Variants in ROBO2 observed in about 807,000 individuals in gnomAD.
The protein encoded by ROBO2 is roundabout guidance receptor 2, also known as roundabout homolog 2.
Under a neutral mutation model 160.8 loss-of-function variants are expected in ROBO2, and 53 were observed. The observed-to-expected ratio is 0.33, with a 90% confidence interval of 0.26 to 0.41. The LOEUF is 0.41. Among genes scored for constraint, ROBO2 ranks in the 10% least tolerant of loss-of-function variants. The pLI is 1.00. For synonymous variants in ROBO2, 664 were observed against 611.7 expected (o/e 1.09, Z -1.26); for missense variants, 1,577 against 1,722.4 (o/e 0.92, Z 1.49).
intron 2 of ROBO2, among the ~76,000 whole-genome samples, chr3:76,153,549 C>A (rs1044690703): frequency 1.3e-5 from 2 of 152,062 alleles, no homozygotes; most frequent in Non-Finnish European, 1.5e-5. Flanking sequence ...CCTGGATGGT[C>A]TTTTTAAAAT....
chr3:76,524,663 G>A (rs533119801), intron 2 of ROBO2, among the ~76,000 whole-genome samples: 13 of 151,114 alleles, frequency 8.6e-5, no homozygotes, highest in African/African-American at 3.1e-4. Flanking sequence ...TTTAGTTTAT[G>A]ATCCATTAAA....
intron 2 of ROBO2, among the ~76,000 whole-genome samples, chr3:76,043,030 T>G (rs942292345): frequency 2.0e-5 from 3 of 151,994 alleles, no homozygotes; most frequent in Non-Finnish European, 4.4e-5. Context: ...CTCGTCCTGC[T>G]ACACCCTTAA....
rs2063286003 is a variant in ROBO2, at chr3:77,308,489, C to A, written c.389-168925C>A. On this transcript the variant is annotated intron_variant, in intron 2 of 25. Transcript: ENST00000461745. Reference sequence around the variant, plus strand: ...GTTGTGTCAGTGACGCTGGATATATCCAAATAGACTGATAGGAGAGCCCTG... The same window carrying A: ...GTTGTGTCAGTGACGCTGGATATATACAAATAGACTGATAGGAGAGCCCTG... Among the ~76,000 whole-genome samples the A allele has an allele frequency of 2.0e-5, 3 of 151,986 alleles. No homozygotes were observed. In the South Asian group the frequency reaches 6.3e-4, roughly 32 times the overall value.
chr3:76,642,335 C>T (rs2090722795), intron 2 of ROBO2, among the ~76,000 whole-genome samples: 1 of 134,800 alleles, frequency 7.4e-6, no homozygotes, highest in African/African-American at 2.8e-5. Flanking sequence ...GAAATATTTA[C>T]ACTTGCTTTT....
chr3:76,780,770 C>T (rs999180947), intron 2 of ROBO2, among the ~76,000 whole-genome samples: 2 of 150,652 alleles, frequency 1.3e-5, no homozygotes, highest in Non-Finnish European at 3.0e-5. Flanking sequence ...CTATTTTGTT[C>T]CATGTATCTG....
chr3:76,344,807 A>G (rs555517671), intron 2 of ROBO2, among the ~76,000 whole-genome samples: 25 of 152,292 alleles, frequency 1.6e-4, no homozygotes, highest in African/African-American at 5.3e-4. Context: ...AGAATTTGGG[A>G]AATATCTAGA....
intron 2 of ROBO2, among the ~76,000 whole-genome samples, chr3:76,272,946 A>ATTT (rs1553693135): frequency 6.9e-5 from 2 of 28,882 alleles, no homozygotes; most frequent in Non-Finnish European, 1.8e-4. Flanking sequence ...AAATATATAA[A>ATTT]ATATATAATA....
At chr3:76,236,551 T>G (rs1413078364) in intron 2 of ROBO2, among the ~76,000 whole-genome samples, 1 of 152,154 alleles carries the variant, frequency 6.6e-6, no homozygotes, top group Non-Finnish European at 1.5e-5. Flanking sequence ...TTAAGTAATT[T>G]TCGTGTTACT....
In ROBO2 at chr3:76,791,755, G is replaced by A. The variant is rs189626516; in HGVS notation, c.110-306259G>A. ...AGCCGATAAATTTGGGGTGCAATCAGCTCTCTATAGCCATGGATTCTGCAT... is the reference window on the plus strand; with the variant it reads ...AGCCGATAAATTTGGGGTGCAATCAACTCTCTATAGCCATGGATTCTGCAT... On this transcript the variant is annotated intron_variant, in intron 2 of 26. Transcript: ENST00000487694. Among the ~76,000 whole-genome samples the A allele has an allele frequency of 2.7e-3, 416 of 151,794 alleles. 6 individuals are homozygous for A. The highest frequency in any genetic ancestry group is 9.0e-3 in the African/African-American group (374 of 41,462).
At chr3:76,535,959 T>G (rs989784313) in intron 2 of ROBO2, among the ~76,000 whole-genome samples, 1 of 152,148 alleles carries the variant, frequency 6.6e-6, no homozygotes, top group African/African-American at 2.4e-5. Context: ...CAGAGAGCTT[T>G]GAGCTGGAGC....
chr3:77,643,318 C>A (rs1362624063), intron 24 of ROBO2, among the ~76,000 whole-genome samples: 3 of 152,180 alleles, frequency 2.0e-5, no homozygotes, highest in African/African-American at 7.2e-5. Flanking sequence ...GCTGAAATAA[C>A]CAGTCATTCG....
At chr3:77,628,452 G>GT (rs2095082333) in intron 23 of ROBO2, among the ~76,000 whole-genome samples, 1 of 145,652 alleles carries the variant, frequency 6.9e-6, no homozygotes, top group African/African-American at 2.5e-5. Flanking sequence ...TTTTGTGGGG[G>GT]GGGGGTAATT....
chr3:76,894,260 T>A (rs1280102940), intron 2 of ROBO2, among the ~76,000 whole-genome samples: 2 of 152,124 alleles, frequency 1.3e-5, no homozygotes, highest in Non-Finnish European at 2.9e-5. Context: ...TTTTGGTGTT[T>A]TAAAATGTTG....
Position 77,336,920 on chromosome 3 carries a change from T to C in ROBO2, c.389-140494T>C, listed in dbSNP as rs551463608. Reference sequence around the variant, plus strand: ...GTAGTGAGGAAAAAAGGAAGACAAGTTCCACTTTTGTTTTGCTAAATTCGG... The same window carrying C: ...GTAGTGAGGAAAAAAGGAAGACAAGCTCCACTTTTGTTTTGCTAAATTCGG... On this transcript the variant is annotated intron_variant, in intron 2 of 25. Transcript: ENST00000461745. Among the ~76,000 whole-genome samples the C allele has an allele frequency of 9.2e-5, 14 of 152,284 alleles. No homozygotes were observed. The South Asian group carries it at 2.9e-3, about 32-fold the overall frequency.
intron 2 of ROBO2, among the ~76,000 whole-genome samples, chr3:76,597,297 G>C (rs1381296204): frequency 6.6e-6 from 1 of 151,966 alleles, no homozygotes; most frequent in African/African-American, 2.4e-5. Context: ...CTCTGTAAAA[G>C]CCGTGTGAAG....
chr3:76,397,564 C>A (rs550997113), intron 2 of ROBO2, among the ~76,000 whole-genome samples: 88 of 151,696 alleles, frequency 5.8e-4, no homozygotes, highest in Middle Eastern at 3.4e-3. Flanking sequence ...AAAATTTTCG[C>A]AACCTACTCA....
At chr3:77,545,160 A>G (rs982010701) in intron 6 of ROBO2, among the ~76,000 whole-genome samples, 6 of 152,076 alleles carry the variant, frequency 3.9e-5, no homozygotes, top group South Asian at 2.1e-4. Flanking sequence ...AAAGCTGCCA[A>G]AAATTACTTT....
At position 76,598,084 on chromosome 3, in the gene ROBO2, G is replaced by T. The variant is rs554480920; in HGVS notation, c.110-499930G>T. Among the ~76,000 whole-genome samples, 10 of 151,618 alleles carry T rather than the reference G, an allele frequency of 6.6e-5. No homozygotes were observed. The South Asian group carries it at 2.1e-3, about 32-fold the overall frequency. On this transcript the variant is annotated intron_variant, in intron 2 of 26. Coordinates refer to the ROBO2 transcript ENST00000487694. ...CATACCTACCAGGAAATACTATTAA[G>T]CCATAAAAAGGAACAGATTATTGAT...
At position 76,430,457 on chromosome 3, in the gene ROBO2, TC is replaced by T. The variant is rs2076391679; in HGVS notation, c.109+492857del. Among the ~76,000 whole-genome samples the T allele has an allele frequency of 3.3e-5, 5 of 152,078 alleles. 1 individual carries two copies. The South Asian group carries it at 1.0e-3, about 32-fold the overall frequency. On this transcript the variant is annotated intron_variant, in intron 2 of 26. Transcript: ENST00000487694. ...ACACTGACTTATCCCTTTTCCACAATCCTTGTGTTTTTTTAATCAGAAGCCT... is the reference window on the plus strand; with the variant it reads ...ACACTGACTTATCCCTTTTCCACAATCTTGTGTTTTTTTAATCAGAAGCCT...
Sources: allele counts gnomAD v4.1 joint callset (sites outside exome capture counted in the v4.1 genomes callset), GRCh38; gene constraint gnomAD v4.1.1; transcripts MANE v1.5; gene names NCBI Gene and HGNC (gene_info 2026-07-23, HGNC 2026-07-21).